WNT5A: variants seen among roughly 807,000 people sequenced by gnomAD.
The protein encoded by WNT5A is protein Wnt-5a.
Under a neutral mutation model 42.1 loss-of-function variants are expected in WNT5A, and 9 were observed. The observed-to-expected ratio is 0.21, with a 90% CI of 0.13 to 0.37. The LOEUF is 0.37. Ranked by LOEUF, WNT5A falls within the 10% of genes least tolerant of loss-of-function variation. The pLI is 1.00. For missense variants in WNT5A, 426 were observed against 534.0 expected (o/e 0.80, Z 1.99); for synonymous variants, 210 against 210.0 (o/e 1.00, Z 0.00).
intron 3 of WNT5A, among the ~76,000 whole-genome samples, chr3:55,476,551 A>G (rs1352778767): frequency 6.6e-6 from 1 of 152,232 alleles, no homozygotes; most frequent in African/African-American, 2.4e-5. Context: ...ATAGAGGAAA[A>G]TAAGACACTG....
intron 1 of WNT5A, chr3:55,481,308 C>T: frequency 1.0e-6 from 1 of 990,122 alleles, no homozygotes; most frequent in Non-Finnish European, 1.2e-6. Context: ...CCCGCTGCGG[C>T]CACCCTCCGT....
chr3:55,487,017 G>A lies in WNT5A; in HGVS notation c.-32C>T, dbSNP rs767520445. On this transcript the variant is annotated 5_prime_UTR_variant, in exon 1 of 5. Coordinates refer to ENST00000264634, the MANE Select transcript of WNT5A (RefSeq NM_003392.7). ...GGGGAGGGGGCGCGGGGAGGAAGTC[G>A]CCACCCGAGCGAGCGCAGCCGAGGA... 6.2e-7 allele frequency: 1 copy of A among 1,608,680 alleles called. No homozygotes were observed. Among genetic ancestry groups the A allele is most frequent in the Non-Finnish European group, 8.5e-7 (1 of 1,177,534 alleles).
At chr3:55,484,214 C>A (rs575528856) in intron 1 of WNT5A, among the ~76,000 whole-genome samples, 1 of 152,254 alleles carries the variant, frequency 6.6e-6, no homozygotes, top group African/African-American at 2.4e-5. Context: ...GCTGTTTTCC[C>A]CACTCTGATC....
At chr3:55,499,995 A>C in the WNT5A span, among the ~76,000 whole-genome samples, 3 of 136,708 alleles carry the variant, frequency 2.2e-5, no homozygotes, top group Non-Finnish European at 3.2e-5. Context: ...AAAAAAAAAA[A>C]TTAAATTAAA....
intron 1 of WNT5A, 64 bp downstream of exon 1, chr3:55,486,915 AG>A: frequency 8.3e-7 from 1 of 1,209,212 alleles, no homozygotes; most frequent in Non-Finnish European, 1.2e-6. Context: ...AAGGGAACTC[AG>A]TTAACTTCCA....
At position 55,479,531 on chromosome 3, in the gene WNT5A, T is replaced by C. The variant is rs1396611270; in HGVS notation, c.174A>G (p.Ser58=). The C allele has an allele frequency of 6.2e-7, 1 of 1,612,918 alleles. No individual in the cohort carries two copies. The highest frequency in any genetic ancestry group is 8.5e-7 in the Non-Finnish European group (1 of 1,179,274). ...GCTGTGCTCCTATAATATATACTTC[T>C]GACATCTGAACAGGGTTATTCATAC... is the stretch of plus-strand genomic sequence containing the variant. ...SLGMNNPVQM[S]EVYIIGAQPL... is the part of the protein sequence containing the mutation. Residue 58 remains serine, a synonymous_variant, in exon 3 of 5, where the codon TCA becomes TCG. Transcript: ENST00000264634.
chr3:55,486,956 A>C, intron 1 of WNT5A, 24 bp downstream of exon 1: 2 of 1,605,966 alleles, frequency 1.2e-6, no homozygotes, highest in South Asian at 2.2e-5. Context: ...AAAGAAAAAA[A>C]GTGGCAGCGC....
At chr3:55,474,699 G>A in intron 3 of WNT5A, 70 bp from the exon 4 acceptor site, 2 of 1,285,704 alleles carry the variant, frequency 1.6e-6, no homozygotes, top group Non-Finnish European at 2.0e-6. Context: ...CCGGGGGTGG[G>A]GGTGGGGGCA....
chr3:55,502,592 T>C, the WNT5A span, among the ~76,000 whole-genome samples: 1 of 152,218 alleles, frequency 6.6e-6, no homozygotes, highest in South Asian at 2.1e-4. Flanking sequence ...GTCTTGATAT[T>C]TCCAAAAGTC....
Position 55,483,854 on chromosome 3 carries a change from A to C in WNT5A, c.7-2936T>G, listed in dbSNP as rs539028266. ...CCAGGCGTGATGAGGGATGAGGGAG[A>C]GGAAACCTCAGTAGCAAAATTGTTC... is the stretch of plus-strand genomic sequence containing the variant. On this transcript the variant is annotated intron_variant, in intron 1 of 4. Transcript: ENST00000264634. This position sits in a 1 kb window ranked among gnomAD's most constrained non-coding sequence, Gnocchi z 4.2. Among the ~76,000 whole-genome samples the C allele has an allele frequency of 1.4e-4, 22 of 152,134 alleles. No homozygotes were observed. Among genetic ancestry groups the C allele is most frequent in the Non-Finnish European group, 3.1e-4 (21 of 68,024 alleles).
Position 55,480,847 on chromosome 3 carries a change from GA to G in WNT5A, c.77del (p.Phe26SerfsTer2). The G allele has an allele frequency of 6.3e-7, 1 of 1,586,318 alleles. No individual in the cohort carries two copies. Among genetic ancestry groups the G allele is most frequent in the Non-Finnish European group, 8.6e-7 (1 of 1,164,860 alleles). ...MAGSAMSSKF[F>X]LVALAIFFSF... Reference sequence around the variant, plus strand: ...AGAAAAATATGGCCAAAGCCACTAGGAAGAACTTGGAAGACATTGCACTTCC... The same window carrying G: ...AGAAAAATATGGCCAAAGCCACTAGGAGAACTTGGAAGACATTGCACTTCC... On this transcript the variant is annotated frameshift_variant, in exon 2 of 5. Transcript: ENST00000264634. LOFTEE classifies it high-confidence loss of function.
chr3:55,495,538 T>C (rs1054178584), upstream of WNT5A, among the ~76,000 whole-genome samples: 1 of 152,240 alleles, frequency 6.6e-6, no homozygotes, highest in African/African-American at 2.4e-5. Flanking sequence ...TAAGACTGAA[T>C]AGTATTCCAT....
intron 3 of WNT5A, among the ~76,000 whole-genome samples, chr3:55,476,279 C>T (rs939595452): frequency 6.6e-6 from 1 of 152,190 alleles, no homozygotes; most frequent in African/African-American, 2.4e-5. Flanking sequence ...CTCCCCCTCC[C>T]ATATTTTCAA....
At chr3:55,499,847 C>T in the WNT5A span, among the ~76,000 whole-genome samples, 5 of 151,924 alleles carry the variant, frequency 3.3e-5, no homozygotes, top group African/African-American at 9.7e-5. Context: ...TGGTGGCATG[C>T]GCCTGTAGTC....
chr3:55,485,187 G>A (rs1420980933), intron 1 of WNT5A, among the ~76,000 whole-genome samples: 1 of 152,078 alleles, frequency 6.6e-6, no homozygotes, highest in African/African-American at 2.4e-5. Context: ...AGGGGTGGGA[G>A]GGAGAGGGGA....
At chr3:55,474,706 G>T in intron 3 of WNT5A, 77 bp from the exon 4 acceptor site, 1 of 1,198,034 alleles carries the variant, frequency 8.3e-7, no homozygotes, top group Non-Finnish European at 1.1e-6. Context: ...TGGGGGTGGG[G>T]GCAAGGTAGG....
Position 55,467,672 on chromosome 3 carries a change from T to C in WNT5A, c.*2420A>G, listed in dbSNP as rs537179179. 6.6e-6 allele frequency: 1 copy of C among 152,544 alleles called. No individual in the cohort carries two copies. Among genetic ancestry groups the C allele is most frequent in the Non-Finnish European group, 1.5e-5 (1 of 68,022 alleles). The allele number at this position is 152,544 out of a possible 1,614,324, so 9.4% of individuals were successfully genotyped here. ...TTTTTAAACCAGTGAAATATACAAA[T>C]CACGCAAGACAGAAATATGTACATT... is the stretch of plus-strand genomic sequence containing the variant. On this transcript the variant is annotated 3_prime_UTR_variant, in exon 5 of 5. Transcript: ENST00000264634.
At chr3:55,474,273 G>A (rs2051305531) in intron 4 of WNT5A, 64 bp downstream of exon 4, 10 of 1,601,622 alleles carry the variant, frequency 6.2e-6, no homozygotes, top group Non-Finnish European at 7.7e-6. Context: ...GGAGAGACCC[G>A]AGGAGGCTGG....
the WNT5A span, among the ~76,000 whole-genome samples, chr3:55,497,776 A>C: frequency 6.6e-6 from 1 of 152,202 alleles, no homozygotes; most frequent in Non-Finnish European, 1.5e-5. Context: ...TGCAAAGGGC[A>C]AAAGCAGAGG....
Sources: allele counts gnomAD v4.1 joint callset (sites outside exome capture counted in the v4.1 genomes callset), GRCh38; gene constraint gnomAD v4.1.1; non-coding constraint Gnocchi (gnomAD v3.1); transcripts MANE v1.5; gene names NCBI Gene and HGNC (gene_info 2026-07-23, HGNC 2026-07-21).